The following DOCK4 variants were observed in gnomAD, a reference collection of about 807,000 sequenced individuals.
DOCK4 encodes the protein dedicator of cytokinesis 4.
DOCK4 carries 97 observed loss-of-function variants against 268.1 expected under a neutral mutation model. That is an observed-to-expected ratio of 0.36 (90% confidence interval 0.31 to 0.43). DOCK4 has a LOEUF of 0.43. DOCK4 is among the 20% of genes least tolerant of loss of function. The pLI, the probability that DOCK4 is intolerant of heterozygous loss-of-function variation, is 1.00. For synonymous variants in DOCK4, 954 were observed against 887.2 expected (o/e 1.08, Z -1.34); for missense variants, 2,145 against 2,455.7 (o/e 0.87, Z 2.67).
chr7:112,083,321 G>T (rs886800635), intron 1 of DOCK4, among the ~76,000 whole-genome samples: 2 of 152,116 alleles, frequency 1.3e-5, no homozygotes, highest in African/African-American at 4.8e-5. Flanking sequence ...TTACATAAAA[G>T]TACCTAGAGA....
At chr7:112,129,337 GAAC>G (rs1346714371) in intron 1 of DOCK4, among the ~76,000 whole-genome samples, 2 of 152,186 alleles carry the variant, frequency 1.3e-5, no homozygotes, top group African/African-American at 4.8e-5. Flanking sequence ...AAGAGATGGA[GAAC>G]AAACAAGTAT....
chr7:112,175,456 T>G (rs1818425909), intron 1 of DOCK4, among the ~76,000 whole-genome samples: 1 of 152,216 alleles, frequency 6.6e-6, no homozygotes, highest in Non-Finnish European at 1.5e-5. Flanking sequence ...GGTAAAATGT[T>G]TTTATGTTTG....
chr7:111,981,149 A>G (rs1454163043), intron 7 of DOCK4, among the ~76,000 whole-genome samples: 1 of 152,204 alleles, frequency 6.6e-6, no homozygotes, highest in Admixed American at 6.5e-5. Context: ...AGGAAGAAGT[A>G]AAAAAAGAAA....
At chr7:111,811,820 A>C in intron 28 of DOCK4, 54 bp downstream of exon 28, 1 of 1,061,888 alleles carries the variant, frequency 9.4e-7, no homozygotes, top group Non-Finnish European at 1.4e-6. Context: ...ATTTCCTATA[A>C]TACAATGTGA....
rs575840687 is a variant in DOCK4 at position 112,055,785 on chromosome 7, G to C, written c.38-51654C>G. On this transcript the variant is annotated intron_variant, in intron 1 of 52. Coordinates refer to ENST00000428084, the MANE Select transcript of DOCK4 (RefSeq NM_001363540.2). The stretch of plus-strand genomic sequence containing the variant: ...TAGCCAGGTGTGGTGGTGGGCGCCT[G>C]TAAACCCAGCTACTCAGAAGGCCAA... Among the ~76,000 whole-genome samples, 19 of 151,962 alleles carry C rather than the reference G, an allele frequency of 1.3e-4. No homozygotes were observed. The East Asian group carries it at 3.5e-3, about 28-fold the overall frequency.
intron 23 of DOCK4, among the ~76,000 whole-genome samples, chr7:111,860,200 G>C (rs987513328): frequency 6.6e-6 from 1 of 152,150 alleles, no homozygotes; most frequent in Non-Finnish European, 1.5e-5. Flanking sequence ...ATGCCCATCA[G>C]TCCCCTAAGT....
intron 4 of DOCK4, among the ~76,000 whole-genome samples, chr7:111,998,234 A>C (rs79527003): frequency 0.014 from 2,111 of 152,284 alleles, 49 homozygotes; most frequent in African/African-American, 0.048. Flanking sequence ...AGAGACCTCC[A>C]GTCTCTCAGA....
chr7:111,850,892 G>A (rs1586170442), intron 23 of DOCK4, among the ~76,000 whole-genome samples: 1 of 152,166 alleles, frequency 6.6e-6, no homozygotes, highest in Non-Finnish European at 1.5e-5. Flanking sequence ...CTCACACAAA[G>A]CCTGTTTGGT....
intron 4 of DOCK4, among the ~76,000 whole-genome samples, chr7:111,996,490 C>T (rs1381661506): frequency 6.6e-6 from 1 of 152,158 alleles, no homozygotes; most frequent in African/African-American, 2.4e-5. Flanking sequence ...ATACCAAAAC[C>T]CCAAAGATGT....
chr7:111,988,872 G>A, intron 6 of DOCK4, 143 bp downstream of exon 6: 1 of 1,215,460 alleles, frequency 8.2e-7, no homozygotes, highest in Non-Finnish European at 1.1e-6. Context: ...ATCAATGCCA[G>A]TTCGCACTAA....
chr7:112,188,619 A>AC (rs372240025), intron 1 of DOCK4, among the ~76,000 whole-genome samples: 2 of 152,172 alleles, frequency 1.3e-5, no homozygotes, highest in Non-Finnish European at 2.9e-5. Context: ...GACAATTCAT[A>AC]CCCCCCAACC....
intron 1 of DOCK4, among the ~76,000 whole-genome samples, chr7:112,164,059 A>G (rs1347070811): frequency 6.6e-6 from 1 of 152,138 alleles, no homozygotes; most frequent in African/African-American, 2.4e-5. Context: ...TAAGGTGGAG[A>G]ATTGCTTGAG....
chr7:111,765,556 G>A (rs1032246861), intron 38 of DOCK4, among the ~76,000 whole-genome samples: 9 of 152,198 alleles, frequency 5.9e-5, no homozygotes, highest in Non-Finnish European at 1.0e-4. Flanking sequence ...TTCTATGCAT[G>A]TAGTCCTATC....
chr7:111,990,420 T>A (rs371745014), intron 5 of DOCK4, among the ~76,000 whole-genome samples: 1 of 152,250 alleles, frequency 6.6e-6, no homozygotes, highest in Non-Finnish European at 1.5e-5. Context: ...GAGGTTATCA[T>A]CCATCTAAAG....
chr7:111,879,505 A>G (rs186763888), intron 16 of DOCK4, among the ~76,000 whole-genome samples: 33 of 152,288 alleles, frequency 2.2e-4, no homozygotes, highest in Non-Finnish European at 2.9e-5. Context: ...GGGGTAGAGC[A>G]CCAAGTAGGC....
In DOCK4 at chr7:111,817,255, T is replaced by C. The variant is rs144042944; in HGVS notation, c.2930+5107A>G. Among the ~76,000 whole-genome samples, 164 of 152,288 alleles carry C rather than the reference T, an allele frequency of 1.1e-3. 1 individual carries two copies. The highest frequency in any genetic ancestry group is 3.8e-3 in the African/African-American group (157 of 41,548). ...ATATAGTTTTGATAAAAAATAAGTATCTATTATCTCCCTGAACAGTAAAAG... is the reference window on the plus strand; with the variant it reads ...ATATAGTTTTGATAAAAAATAAGTACCTATTATCTCCCTGAACAGTAAAAG... On this transcript the variant is annotated intron_variant, in intron 27 of 52. Transcript: ENST00000428084.
chr7:111,840,515 C>T (rs542469955), intron 25 of DOCK4, among the ~76,000 whole-genome samples: 3 of 151,876 alleles, frequency 2.0e-5, no homozygotes, highest in South Asian at 4.2e-4. Context: ...GAACTGATCA[C>T]AATGGTGCTT....
At chr7:111,920,785 C>A (rs540667934) in intron 12 of DOCK4, among the ~76,000 whole-genome samples, 11 of 151,706 alleles carry the variant, frequency 7.3e-5, no homozygotes, top group Admixed American at 7.2e-4. Flanking sequence ...GAAACTTATA[C>A]AGAGAGAGAC....
intron 1 of DOCK4, among the ~76,000 whole-genome samples, chr7:112,126,983 A>C (rs981770842): frequency 1.3e-5 from 2 of 152,104 alleles, no homozygotes; most frequent in Non-Finnish European, 2.9e-5. Flanking sequence ...TAGTTCAACC[A>C]TTGTGGAAGT....
Sources: gnomAD v4.1 joint callset for allele counts (sites outside exome capture counted in the v4.1 genomes callset) on GRCh38, gnomAD v4.1.1 for gene constraint, MANE v1.5 for transcripts, NCBI Gene and HGNC (gene_info 2026-07-23, HGNC 2026-07-21) for gene names.